Variants in TUBB observed in about 807,000 individuals in gnomAD.
The protein encoded by TUBB is tubulin beta chain.
A neutral mutation model predicts 35.1 loss-of-function variants in TUBB; 2 were observed. The observed-to-expected ratio is 0.06, with a 90% CI of 0.02 to 0.18. TUBB has a LOEUF of 0.18. TUBB is among the 10% of genes least tolerant of loss of function. The probability of loss-of-function intolerance (pLI) is 1.00; values close to 1 mark genes in which losing one functional copy is unlikely to be tolerated. For synonymous variants in TUBB, 205 were observed against 223.8 expected, an observed-to-expected ratio of 0.92 and a Z score of 0.75; for missense variants, 50 against 599.4, an observed-to-expected ratio of 0.08 and a Z score of 9.57.
chr6:30,721,665 G>A, intron 1 of TUBB: 1 of 985,454 alleles, frequency 1.0e-6, no homozygotes, highest in Non-Finnish European at 1.2e-6. Flanking sequence ...TGCGCCGCGC[G>A]GTGGGGCGGT....
chr6:30,723,183 C>T, intron 3 of TUBB, 155 bp downstream of exon 3: 1 of 895,576 alleles, frequency 1.1e-6, no homozygotes, highest in Non-Finnish European at 1.7e-6. Flanking sequence ...GTAGTGCCTA[C>T]TATTGCTGGT....
intron 1 of TUBB, 126 bp from the exon 2 acceptor site, chr6:30,722,411 C>T: frequency 1.4e-6 from 1 of 695,732 alleles, no homozygotes; most frequent in Admixed American, 2.5e-5. Flanking sequence ...CCACTGCACT[C>T]CAGCCTGGTG....
chr6:30,721,552 C>T, intron 1 of TUBB: 2 of 985,294 alleles, frequency 2.0e-6, no homozygotes, highest in East Asian at 1.1e-4. Context: ...CGCGCGAAGT[C>T]TTTTGTCGGC....
rs1776137973 is a variant in TUBB, at chr6:30,720,435, C to A, written c.-72C>A. The stretch of plus-strand genomic sequence containing the variant: ...TTCCAACCTTCCAGCCTGCGACCTG[C>A]GGAGAAAAAAAATTACTTATTTTCT... On this transcript the variant is annotated 5_prime_UTR_variant, in exon 1 of 4. Transcript: ENST00000327892. The A allele has an allele frequency of 6.6e-7, 1 of 1,504,074 alleles. No homozygotes were observed. Among genetic ancestry groups the A allele is most frequent in the Non-Finnish European group, 9.2e-7 (1 of 1,081,382 alleles). The allele number at this position is 1,504,074 out of a possible 1,614,324, so 93.2% of individuals were successfully genotyped here.
Position 30,724,480 on chromosome 6 carries a change from G to A in TUBB, c.*83G>A. The A allele has an allele frequency of 7.7e-7, 1 of 1,300,618 alleles. No individual in the cohort carries two copies. The highest frequency in any genetic ancestry group is 1.0e-6 in the Non-Finnish European group (1 of 955,340). 80.6% of individuals were successfully genotyped at this position (1,300,618 alleles called of 1,614,324 possible). On this transcript the variant is annotated 3_prime_UTR_variant, in exon 4 of 4. Transcript: ENST00000327892. This position sits in a 1 kb window ranked among gnomAD's most constrained non-coding sequence, Gnocchi z 4.4. Reference sequence around the variant, plus strand: ...CCCTTTCCTCTCCCTCAGAATTTGTGTTTGCTGCCTCTATCTTGTTTTTTG... The same window carrying A: ...CCCTTTCCTCTCCCTCAGAATTTGTATTTGCTGCCTCTATCTTGTTTTTTG...
Position 30,723,419 on chromosome 6 carries a change from G to A in TUBB, c.357G>A (p.Val119=). The A allele has an allele frequency of 6.2e-7, 1 of 1,614,102 alleles. No individual in the cohort carries two copies. Among genetic ancestry groups the A allele is most frequent in the Non-Finnish European group, 8.5e-7 (1 of 1,179,982 alleles). Residue 119 remains valine (V), a synonymous_variant, in exon 4 of 4, where the codon GTG becomes GTA. Transcript: ENST00000327892. Reference sequence around the variant, plus strand: ...AGCTGGTTGATTCTGTCCTGGATGTGGTACGGAAGGAGGCAGAGAGCTGTG... The same window carrying A: ...AGCTGGTTGATTCTGTCCTGGATGTAGTACGGAAGGAGGCAGAGAGCTGTG... ...GAELVDSVLD[V]VRKEAESCDC... is the part of the protein sequence containing the mutation.
In TUBB at chr6:30,723,093, A is replaced by T; in HGVS notation, c.277+65A>T. ...GTGTTCAACTTATTTGGGTGCAAGG[A>T]CACAGCAAAAGTTAGGAGATGATTG... On this transcript the variant is annotated intron_variant, in intron 3 of 3. Coordinates refer to ENST00000327892, the MANE Select transcript of TUBB (RefSeq NM_178014.4). 3.0e-6 allele frequency: 4 copies of T among 1,336,326 alleles called. No homozygotes were observed. The South Asian group carries it at 3.7e-5, about 12-fold the overall frequency. The allele number at this position is 1,336,326 out of a possible 1,614,324, so 82.8% of individuals were successfully genotyped here. A position where few individuals can be genotyped will look rare whatever the true frequency, so the allele number is the denominator to read the frequency against.
rs1776139097 is a variant in TUBB, at chr6:30,720,440, A to C, written c.-67A>C. On this transcript the variant is annotated 5_prime_UTR_variant, in exon 1 of 4. Transcript: ENST00000327892. ...ACCTTCCAGCCTGCGACCTGCGGAG[A>C]AAAAAAATTACTTATTTTCTTGCCC... 2.0e-6 allele frequency: 3 copies of C among 1,527,730 alleles called. No individual in the cohort carries two copies. The highest frequency in any genetic ancestry group is 2.7e-6 in the Non-Finnish European group (3 of 1,102,754). The allele number at this position is 1,527,730 out of a possible 1,614,324, so 94.6% of individuals were successfully genotyped here. A position where few individuals can be genotyped will look rare whatever the true frequency, so the allele number is the denominator to read the frequency against.
Position 30,720,487 on chromosome 6 carries a change from A to G in TUBB, c.-20A>G. The G allele has an allele frequency of 1.2e-6, 2 of 1,613,256 alleles. No homozygotes were observed. Among genetic ancestry groups the G allele is most frequent in the Non-Finnish European group, 1.7e-6 (2 of 1,179,180 alleles). On this transcript the variant is annotated 5_prime_UTR_variant, in exon 1 of 4. Transcript: ENST00000327892. The stretch of plus-strand genomic sequence containing the variant: ...GCCCCATACATACCTTGAGGCGAGC[A>G]AAAAAATTAAATTTTAACCATGAGG...
chr6:30,721,506 C>A (rs1312629478), intron 1 of TUBB: 1 of 975,410 alleles, frequency 1.0e-6, no homozygotes, highest in Non-Finnish European at 1.2e-6. Flanking sequence ...GGGCCCCGCC[C>A]CTCGCGCGCG....
chr6:30,720,939 C>T (rs1388095231), intron 1 of TUBB, among the ~76,000 whole-genome samples: 1 of 152,244 alleles, frequency 6.6e-6, no homozygotes, highest in African/African-American at 2.4e-5. Context: ...CCCAACCCCC[C>T]TGCGGGGTAC....
At chr6:30,720,706 A>C in intron 1 of TUBB, 143 bp downstream of exon 1, 1 of 700,356 alleles carries the variant, frequency 1.4e-6, no homozygotes, top group Non-Finnish European at 2.4e-6. Context: ...ATATATAACA[A>C]TTGTAGCTAG....
Position 30,724,355 on chromosome 6 carries a change from A to G in TUBB, c.1293A>G (p.Glu431=), listed in dbSNP as rs1581670978. 6.2e-7 allele frequency: 1 copy of G among 1,612,632 alleles called. No individual in the cohort carries two copies. The highest frequency in any genetic ancestry group is 1.3e-5 in the African/African-American group (1 of 74,998). The change falls in exon 4 of 4, where the codon GAA becomes GAG. Residue 431 remains glutamate, a synonymous_variant. Coordinates refer to ENST00000327892, the MANE Select transcript of TUBB (RefSeq NM_178014.4). The surrounding 1 kb of genome is among the most constrained non-coding windows in gnomAD (Gnocchi z 4.4). ...EYQQYQDATA[E]EEEDFGEEAE... is the part of the protein sequence containing the mutation. ...AGCAGTACCAGGATGCCACCGCAGA[A>G]GAGGAGGAGGATTTCGGTGAGGAGG...
intron 1 of TUBB, among the ~76,000 whole-genome samples, chr6:30,720,855 A>C (rs879907915): frequency 6.6e-6 from 1 of 152,286 alleles, no homozygotes; most frequent in African/African-American, 2.4e-5. Context: ...TAACGGTCCG[A>C]GAACCGGGCA....
chr6:30,720,673 CCT>C (rs1387985912), intron 1 of TUBB, 110 bp downstream of exon 1: 7 of 945,328 alleles, frequency 7.4e-6, no homozygotes, highest in Non-Finnish European at 1.1e-5. Context: ...AAGATTTGCC[CCT>C]CTCAAGTTTG....
At chr6:30,720,586 A>C (rs1168481622) in intron 1 of TUBB, 23 bp downstream of exon 1, 1 of 1,600,430 alleles carries the variant, frequency 6.2e-7, no homozygotes, top group Non-Finnish European at 8.5e-7. Flanking sequence ...CACCTCTTTT[A>C]TTTCTTTTTA....
intron 1 of TUBB, among the ~76,000 whole-genome samples, chr6:30,720,793 G>A (rs572876695): frequency 2.0e-5 from 3 of 152,370 alleles, no homozygotes; most frequent in Non-Finnish European, 4.4e-5. Context: ...GGCTCTTCGG[G>A]TTTGGGGGCG....
At chr6:30,721,758 ACATATCCAGAG>A in intron 1 of TUBB, 1 of 985,102 alleles carries the variant, frequency 1.0e-6, no homozygotes, top group African/African-American at 1.7e-5. Context: ...GACCCGCTGC[ACATATCCAGAG>A]CAGGGAAAGC....
rs1266749231 is a variant in TUBB at position 30,725,317 on chromosome 6, C to G, written c.*920C>G. On this transcript the variant is annotated 3_prime_UTR_variant, in exon 4 of 4. Transcript: ENST00000327892. ...CCCCCCTCACACACTTGGTTTTGTT[C>G]TATCCTACATTTGAGATTTCTATTT... is the stretch of plus-strand genomic sequence containing the variant. 6.4e-6 allele frequency: 1 copy of G among 155,324 alleles called. No homozygotes were observed. Among genetic ancestry groups the G allele is most frequent in the South Asian group, 2.1e-4 (1 of 4,834 alleles). 9.6% of individuals were successfully genotyped at this position (155,324 alleles called of 1,614,324 possible).
Sources: allele counts gnomAD v4.1 joint callset (sites outside exome capture counted in the v4.1 genomes callset), GRCh38; gene constraint gnomAD v4.1.1; non-coding constraint Gnocchi (gnomAD v3.1); transcripts MANE v1.5; gene names NCBI Gene and HGNC (gene_info 2026-07-23, HGNC 2026-07-21).